Variants in WSB2 observed in about 807,000 individuals in gnomAD.
WSB2 encodes WD repeat and SOCS box-containing protein 2.
In WSB2, 12 loss-of-function variants were observed where a neutral mutation model predicts 48.8. That is an observed-to-expected ratio of 0.25 (90% confidence interval 0.16 to 0.40). WSB2 has a LOEUF of 0.40. Ranked by LOEUF, WSB2 falls within the 10% of genes least tolerant of loss-of-function variation. The pLI is 1.00. For missense variants in WSB2, 317 were observed against 506.2 expected (o/e 0.63, Z 3.59); for synonymous variants, 191 against 203.1 (o/e 0.94, Z 0.51).
At chr12:118,038,085 AC>A in intron 5 of WSB2, 1 of 445,434 alleles carries the variant, frequency 2.2e-6, no homozygotes, top group Non-Finnish European at 4.0e-6. Flanking sequence ...GACAGGAGCA[AC>A]CTGTTTCCAA....
chr12:118,037,397 TG>T (rs1476149426), intron 5 of WSB2, among the ~76,000 whole-genome samples: 1 of 152,070 alleles, frequency 6.6e-6, no homozygotes, highest in Non-Finnish European at 1.5e-5. Flanking sequence ...CCAGGCGCGG[TG>T]GCTCACGCCT....
chr12:118,061,005 G>A, intron 1 of WSB2, 31 bp downstream of exon 1: 9 of 971,154 alleles, frequency 9.3e-6, no homozygotes, highest in Non-Finnish European at 1.1e-5. Flanking sequence ...GGCCCCGCCG[G>A]GCGGGAACGG....
At chr12:118,038,142 A>T (rs1839120343) in intron 5 of WSB2, 146 bp downstream of exon 5, 1 of 615,154 alleles carries the variant, frequency 1.6e-6, no homozygotes, top group African/African-American at 1.9e-5. Flanking sequence ...GTCACAAGGG[A>T]CTTTTGCAGG....
upstream of WSB2, chr12:118,061,328 G>T (rs2032062330): frequency 2.3e-6 from 1 of 428,102 alleles, no homozygotes; most frequent in Admixed American, 6.6e-5. Context: ...CGGGATAAAA[G>T]CTGAGGGGTT....
At chr12:118,051,935 T>C (rs1383557595) in intron 2 of WSB2, among the ~76,000 whole-genome samples, 2 of 152,064 alleles carry the variant, frequency 1.3e-5, no homozygotes, top group African/African-American at 2.4e-5. Flanking sequence ...GATTGCGCCA[T>C]TGCACTCCAG....
intron 5 of WSB2, chr12:118,037,841 T>G (rs2031548901): frequency 6.4e-6 from 1 of 155,534 alleles, no homozygotes; most frequent in African/African-American, 2.4e-5. Flanking sequence ...GTTCTTGGAT[T>G]TCTAATACCT....
intron 4 of WSB2, among the ~76,000 whole-genome samples, chr12:118,038,698 G>A (rs1175967361): frequency 6.6e-6 from 1 of 152,096 alleles, no homozygotes; most frequent in Non-Finnish European, 1.5e-5. Flanking sequence ...TTTCTGAGAT[G>A]GAGTCTTGCT....
rs570063999 is a variant in WSB2, at chr12:118,051,303, CAT to C, written c.182+1005_182+1006del. Among the ~76,000 whole-genome samples the C allele has an allele frequency of 2.0e-4, 30 of 152,270 alleles. No homozygotes were observed. In the South Asian group the frequency reaches 6.2e-3, roughly 32 times the overall value. On this transcript the variant is annotated intron_variant, in intron 2 of 8. Coordinates refer to ENST00000315436, the MANE Select transcript of WSB2 (RefSeq NM_018639.5). ...TCTGACACCTCCTCAAATAGTTAAA[CAT>C]AGAAAACACAGGTTTTCTATAAATG...
chr12:118,051,110 G>A (rs2137790691), intron 2 of WSB2, among the ~76,000 whole-genome samples: 1 of 152,012 alleles, frequency 6.6e-6, no homozygotes, highest in South Asian at 2.1e-4. Flanking sequence ...AGCCATCAAG[G>A]AAATGCAAAT....
intron 8 of WSB2, 64 bp downstream of exon 8, chr12:118,034,922 T>TA (rs1209355713): frequency 5.7e-5 from 85 of 1,491,916 alleles, no homozygotes; most frequent in Non-Finnish European, 6.8e-5. Context: ...TTTCTTTCCT[T>TA]AAAAAGCTCC....
upstream of WSB2, chr12:118,062,035 G>C: frequency 6.8e-7 from 1 of 1,478,326 alleles, no homozygotes; most frequent in Admixed American, 2.1e-5. Context: ...AACCGGAGTG[G>C]GGGTGGGAAC....
At chr12:118,037,256 A>T (rs1048682765) in intron 5 of WSB2, among the ~76,000 whole-genome samples, 2 of 152,030 alleles carry the variant, frequency 1.3e-5, no homozygotes, top group African/African-American at 2.4e-5. Flanking sequence ...GGCATTTTAC[A>T]CCCCCCACCT....
upstream of WSB2, chr12:118,061,244 G>C (rs1161551365): frequency 6.7e-5 from 64 of 956,658 alleles, 1 homozygote; most frequent in Non-Finnish European, 7.7e-5. Context: ...AAACGGAGGG[G>C]GGGTGCGGAC....
chr12:118,048,694 TA>T (rs2031791630), intron 2 of WSB2, among the ~76,000 whole-genome samples: 1 of 152,182 alleles, frequency 6.6e-6, no homozygotes, highest in Non-Finnish European at 1.5e-5. Context: ...AAAAAATGGT[TA>T]ATACTCAAAT....
chr12:118,041,730 T>C (rs1007074579), intron 4 of WSB2, among the ~76,000 whole-genome samples: 12 of 150,380 alleles, frequency 8.0e-5, no homozygotes, highest in African/African-American at 2.9e-4. Context: ...TTGCAATAAA[T>C]TCCCCTCTCT....
At chr12:118,035,366 C>G in intron 6 of WSB2, 42 bp from the exon 7 acceptor site, 1 of 1,561,764 alleles carries the variant, frequency 6.4e-7, no homozygotes, top group South Asian at 1.1e-5. Flanking sequence ...GGAGTGATGG[C>G]TGCTCTCCAC....
Position 118,055,551 on chromosome 12 carries a change from C to CT in WSB2, c.14-3074dup, listed in dbSNP as rs989997556. 8.1e-4 allele frequency among the ~76,000 whole-genome samples: 108 copies of CT among 133,716 alleles called. 1 individual carries two copies. In the East Asian group the frequency reaches 9.1e-3, roughly 11 times the overall value. 87.7% of individuals were successfully genotyped at this position (133,716 alleles called of 152,430 possible). A position where few individuals can be genotyped will look rare whatever the true frequency, so the allele number is the denominator to read the frequency against. ...GATCAAATGACCAGGATGAAAATGT[C>CT]TTTTTTTTTTCCATCCTGATAACAT... On this transcript the variant is annotated intron_variant, in intron 1 of 8. Transcript: ENST00000315436.
At chr12:118,048,663 A>C (rs2031790991) in intron 2 of WSB2, among the ~76,000 whole-genome samples, 1 of 151,810 alleles carries the variant, frequency 6.6e-6, no homozygotes, top group Non-Finnish European at 1.5e-5. Context: ...TTTGCTCATT[A>C]TGTTAAATAA....
At position 118,039,656 on chromosome 12, in the gene WSB2, T is replaced by C. The variant is rs1198372722; in HGVS notation, c.560-1268A>G. ...CCAAGCAAGAAAGAAGAAAAAATAA[T>C]TGTTATACGCCTGTACATGGTCATA... On this transcript the variant is annotated intron_variant, in intron 4 of 8. Coordinates refer to ENST00000315436, the MANE Select transcript of WSB2 (RefSeq NM_018639.5). Among the ~76,000 whole-genome samples, 4 of 152,120 alleles carry C rather than the reference T, an allele frequency of 2.6e-5. 1 individual carries two copies. The highest frequency in any genetic ancestry group is 4.8e-5 in the African/African-American group (2 of 41,424).
Sources: allele counts gnomAD v4.1 joint callset (sites outside exome capture counted in the v4.1 genomes callset), GRCh38; gene constraint gnomAD v4.1.1; transcripts MANE v1.5; gene names NCBI Gene and HGNC (gene_info 2026-07-23, HGNC 2026-07-21).